Variants in TXNRD1 observed in about 807,000 individuals in gnomAD.
The protein encoded by TXNRD1 is thioredoxin reductase 1, cytoplasmic.
Under a neutral mutation model 80.3 loss-of-function variants are expected in TXNRD1, and 57 were observed. The observed-to-expected ratio is 0.71, with a 90% CI of 0.57 to 0.89. TXNRD1 has a LOEUF of 0.89. TXNRD1 is among the 40% of genes least tolerant of loss of function. TXNRD1 has a pLI of 0.00. For missense variants in TXNRD1, 730 were observed against 803.0 expected, an observed-to-expected ratio of 0.91 and a Z score of 1.10; for synonymous variants, 291 against 285.2, an observed-to-expected ratio of 1.02 and a Z score of -0.20.
chr12:104,269,975 T>C (rs146271817), intron 3 of TXNRD1, among the ~76,000 whole-genome samples: 1 of 152,248 alleles, frequency 6.6e-6, no homozygotes, highest in South Asian at 2.1e-4. Context: ...CCTCCCAAAG[T>C]GCTAGGATTA....
chr12:104,290,720 CATATATATATATATATATATATATAT>C (rs58669975), intron 4 of TXNRD1, among the ~76,000 whole-genome samples: 895 of 55,884 alleles, frequency 0.016, 33 homozygotes, highest in African/African-American at 0.044. Flanking sequence ...AAGAAATATA[CATATATATATATATATATATATATAT>C]ATATATATAT....
In TXNRD1 at chr12:104,319,601, A is replaced by G; in HGVS notation, c.989+16A>G. 6.5e-7 allele frequency: 1 copy of G among 1,546,566 alleles called. No homozygotes were observed. On this transcript the variant is annotated intron_variant, in intron 9 of 16. Coordinates refer to ENST00000525566, the MANE Select transcript of TXNRD1 (RefSeq NM_001093771.3). ...GCATCAGCAGGTAAAGGAAAAAAGCAGGGTGGAAAAGAAAAACCCATTGTG... is the reference window on the plus strand; with the variant it reads ...GCATCAGCAGGTAAAGGAAAAAAGCGGGGTGGAAAAGAAAAACCCATTGTG...
At position 104,287,588 on chromosome 12, in the gene TXNRD1, G is replaced by A. The variant is rs149861298; in HGVS notation, c.305-1343G>A. Among the ~76,000 whole-genome samples the A allele has an allele frequency of 1.6e-3, 250 of 152,284 alleles. 1 individual carries two copies. The highest frequency in any genetic ancestry group is 5.4e-3 in the African/African-American group (224 of 41,556). ...ATTTAATCCTCAGAAATCCTGAGAC[G>A]TTGGCAAAACACATGGGGTCTCCAT... On this transcript the variant is annotated intron_variant, in intron 3 of 16. Transcript: ENST00000525566.
At chr12:104,280,108 AG>A (rs1219315737) in intron 3 of TXNRD1, among the ~76,000 whole-genome samples, 16 of 148,146 alleles carry the variant, frequency 1.1e-4, no homozygotes, top group African/African-American at 3.5e-4. Context: ...ATCCCTCTTT[AG>A]CTCCTTTCCT....
In TXNRD1 at chr12:104,334,264, G is replaced by T; in HGVS notation, c.1678G>T (p.Glu560Ter). 1 of 1,531,136 alleles carries T rather than the reference G, an allele frequency of 6.5e-7. No individual in the cohort carries two copies. The highest frequency in any genetic ancestry group is 8.8e-7 in the Non-Finnish European group (1 of 1,135,976). 94.8% of individuals were successfully genotyped at this position (1,531,136 alleles called of 1,614,324 possible). ...EVYHSYFWPL[E>*]WTIPSRDNNK... ...TTACCATAGTTACTTTTGGCCATTG[G>T]AATGGACGATTCCGTCAAGAGATAA... The change falls in exon 15 of 17, where the codon GAA becomes TAA. Residue 560 changes from glutamate to a stop codon, truncating the protein, a stop_gained. Coordinates refer to ENST00000525566, the MANE Select transcript of TXNRD1 (RefSeq NM_001093771.3). LOFTEE classifies it high-confidence loss of function.
chr12:104,283,666 T>C (rs968112824), intron 3 of TXNRD1, among the ~76,000 whole-genome samples: 1 of 151,318 alleles, frequency 6.6e-6, no homozygotes, highest in Non-Finnish European at 1.5e-5. Context: ...TAGTTGGGAG[T>C]TGGAGGCCAG....
chr12:104,238,457 GT>G (rs1314625883), intron 1 of TXNRD1, among the ~76,000 whole-genome samples: 1 of 151,900 alleles, frequency 6.6e-6, no homozygotes, highest in Non-Finnish European at 1.5e-5. Context: ...TCCTTGTTTT[GT>G]TTTTCAGAGT....
chr12:104,310,707 A>G (rs899871918), intron 4 of TXNRD1, among the ~76,000 whole-genome samples: 5 of 152,224 alleles, frequency 3.3e-5, no homozygotes, highest in Admixed American at 6.5e-5. Context: ...AATATTAAAT[A>G]TGGGAGACTT....
At chr12:104,221,822 C>G (rs1593677281) in intron 1 of TXNRD1, among the ~76,000 whole-genome samples, 1 of 152,088 alleles carries the variant, frequency 6.6e-6, no homozygotes, top group Admixed American at 6.6e-5. Context: ...CCAGAAATAA[C>G]TTGTTATGGG....
chr12:104,286,740 G>A, intron 3 of TXNRD1: 3 of 1,021,044 alleles, frequency 2.9e-6, no homozygotes, highest in Non-Finnish European at 3.5e-6. Context: ...TTAGGGCATA[G>A]TCTAATTTCT....
intron 1 of TXNRD1, among the ~76,000 whole-genome samples, chr12:104,221,998 TC>T (rs1219835166): frequency 6.6e-6 from 1 of 152,118 alleles, no homozygotes; most frequent in East Asian, 1.9e-4. Context: ...CTACTGAGCT[TC>T]CCTTTCTTTG....
intron 1 of TXNRD1, among the ~76,000 whole-genome samples, chr12:104,245,536 A>AAAAAAAG (rs2032962675): frequency 6.7e-6 from 1 of 148,270 alleles, no homozygotes; most frequent in African/African-American, 2.5e-5. Flanking sequence ...AAAAAAAAAA[A>AAAAAAAG]AAAAAAGAAT....
chr12:104,275,486 C>G (rs1053046065), intron 3 of TXNRD1, among the ~76,000 whole-genome samples: 1 of 150,636 alleles, frequency 6.6e-6, no homozygotes, highest in African/African-American at 2.4e-5. Flanking sequence ...CAGGTTCAAG[C>G]GATTCTCCTG....
chr12:104,266,746 G>A (rs1230864810), intron 3 of TXNRD1, among the ~76,000 whole-genome samples: 1 of 151,632 alleles, frequency 6.6e-6, no homozygotes, highest in Non-Finnish European at 1.5e-5. Context: ...AGCGGATCAC[G>A]AGGTCAGGAG....
chr12:104,288,995 G>C lies in TXNRD1; in HGVS notation c.369G>C (p.Val123=). The change falls in exon 4 of 17, where the codon GTG becomes GTC. Residue 123 remains valine, a synonymous_variant. Transcript: ENST00000525566. ...ELAAETDLPV[V]FVKQRKIGGH... ...CCGCGGAAACCGATCTGCCCGTTGT[G>C]TTTGTGAAACAGAGAAAGATAGGCG... 6.2e-7 allele frequency: 1 copy of C among 1,614,034 alleles called. No individual in the cohort carries two copies. The highest frequency in any genetic ancestry group is 8.5e-7 in the Non-Finnish European group (1 of 1,179,892).
At chr12:104,269,752 G>C (rs1321119892) in intron 3 of TXNRD1, among the ~76,000 whole-genome samples, 2 of 151,942 alleles carry the variant, frequency 1.3e-5, no homozygotes, top group Non-Finnish European at 2.9e-5. Context: ...TGTATTTTTA[G>C]TAGAGACAGG....
At chr12:104,286,626 T>A in intron 3 of TXNRD1, 96 of 609,606 alleles carry the variant, frequency 1.6e-4, no homozygotes, top group Non-Finnish European at 1.9e-4. Flanking sequence ...CAGGTCACAC[T>A]CCACACCAAT....
chr12:104,269,928 A>G (rs934386493), intron 3 of TXNRD1, among the ~76,000 whole-genome samples: 4 of 151,932 alleles, frequency 2.6e-5, no homozygotes, highest in African/African-American at 9.7e-5. Flanking sequence ...TGCCCAGGCT[A>G]GTCTTGAATT....
At chr12:104,243,678 C>T (rs568578439) in intron 1 of TXNRD1, among the ~76,000 whole-genome samples, 2 of 152,250 alleles carry the variant, frequency 1.3e-5, no homozygotes, top group East Asian at 3.9e-4. Context: ...TAACCACAGG[C>T]AACGAGTAAA....
Sources: allele counts gnomAD v4.1 joint callset (sites outside exome capture counted in the v4.1 genomes callset), GRCh38; gene constraint gnomAD v4.1.1; transcripts MANE v1.5; gene names NCBI Gene and HGNC (gene_info 2026-07-23, HGNC 2026-07-21).